SMAD9: variants seen among roughly 807,000 people sequenced by gnomAD.
SMAD9 encodes the protein SMAD family member 9.
Under a neutral mutation model 46.1 loss-of-function variants are expected in SMAD9, and 36 were observed. The ratio of observed to expected loss-of-function variants is 0.78; its 90% CI spans 0.60 to 1.03. SMAD9 has a LOEUF of 1.03. Among genes scored for constraint, SMAD9 ranks in the 50% least tolerant of loss-of-function variants. SMAD9 has a pLI of 0.00. For synonymous variants in SMAD9, 245 were observed against 237.1 expected (o/e 1.03, Z -0.31); for missense variants, 572 against 599.8 (o/e 0.95, Z 0.48).
chr13:36,880,884 TTTTAA>T (rs745404185), intron 1 of SMAD9, among the ~76,000 whole-genome samples: 12 of 152,214 alleles, frequency 7.9e-5, no homozygotes, highest in African/African-American at 1.4e-4. Context: ...ATCAATATTT[TTTTAA>T]TTTCTTAGTT....
Position 36,866,707 on chromosome 13 carries a change from C to G in SMAD9, c.781+566G>C, listed in dbSNP as rs2058238095. 2.0e-5 allele frequency among the ~76,000 whole-genome samples: 3 copies of G among 152,302 alleles called. No homozygotes were observed. In the Middle Eastern group the frequency reaches 0.01, roughly 518 times the overall value. ...GAACCTCTCTACTCAAGATCTGGCT[C>G]ATGGAACAGTAGCCTCCGCATTACA... On this transcript the variant is annotated intron_variant, in intron 4 of 6. Coordinates refer to ENST00000379826, the MANE Select transcript of SMAD9 (RefSeq NM_001127217.3).
chr13:36,865,217 T>G (rs1056724800), intron 5 of SMAD9, among the ~76,000 whole-genome samples: 2 of 152,244 alleles, frequency 1.3e-5, no homozygotes, highest in Non-Finnish European at 2.9e-5. Context: ...TTTAGGGAAA[T>G]GAAAAATAAT....
chr13:36,863,074 G>A (rs1231537663), intron 5 of SMAD9, among the ~76,000 whole-genome samples: 2 of 152,168 alleles, frequency 1.3e-5, no homozygotes, highest in Non-Finnish European at 1.5e-5. Context: ...TAACTCCACA[G>A]AGCAAGTTAA....
chr13:36,853,687 A>G lies in SMAD9; in HGVS notation c.1004-12T>C, dbSNP rs2058095619. ...GTACAAGTGCACACCTGCAGACACA[A>G]AAACACAGCCTTCCTTCACATGCCC... On this transcript the variant is annotated splice_polypyrimidine_tract_variant and intron_variant, in intron 5 of 6. Coordinates refer to ENST00000379826, the MANE Select transcript of SMAD9 (RefSeq NM_001127217.3). The G allele has an allele frequency of 6.2e-7, 1 of 1,613,804 alleles. No individual in the cohort carries two copies. Among genetic ancestry groups the G allele is most frequent in the East Asian group, 2.2e-5 (1 of 44,882 alleles).
At chr13:36,900,830 T>C (rs1288983629) in intron 1 of SMAD9, among the ~76,000 whole-genome samples, 2 of 152,192 alleles carry the variant, frequency 1.3e-5, no homozygotes, top group Non-Finnish European at 2.9e-5. Context: ...GCATTTAATA[T>C]GTTCACAATC....
At chr13:36,887,395 G>T (rs542092198) in intron 1 of SMAD9, among the ~76,000 whole-genome samples, 1 of 151,424 alleles carries the variant, frequency 6.6e-6, no homozygotes, top group African/African-American at 2.4e-5. Flanking sequence ...GATAATTTTT[G>T]TATTTTTAGT....
chr13:36,862,137 A>G (rs2058188495), intron 5 of SMAD9, among the ~76,000 whole-genome samples: 1 of 152,260 alleles, frequency 6.6e-6, no homozygotes, highest in Admixed American at 6.5e-5. Flanking sequence ...AGGCTCCACG[A>G]ACACTGACTT....
chr13:36,917,398 C>CA (rs1303045132), intron 1 of SMAD9, among the ~76,000 whole-genome samples: 5 of 106,490 alleles, frequency 4.7e-5, no homozygotes, highest in Non-Finnish European at 1.0e-4. Flanking sequence ...TTACTGTTTG[C>CA]ATTTTTTTTT....
At chr13:36,876,954 A>G (rs984305297) in intron 2 of SMAD9, among the ~76,000 whole-genome samples, 1 of 152,224 alleles carries the variant, frequency 6.6e-6, no homozygotes, top group Non-Finnish European at 1.5e-5. Flanking sequence ...TTAAATTAAT[A>G]TAATCGTTAC....
chr13:36,881,452 G>A (rs775884715), intron 1 of SMAD9, among the ~76,000 whole-genome samples: 8 of 152,148 alleles, frequency 5.3e-5, no homozygotes, highest in Non-Finnish European at 1.2e-4. Flanking sequence ...AACTTCTTTC[G>A]AACAAAGGTG....
chr13:36,853,848 T>C (rs2058097492), intron 5 of SMAD9, among the ~76,000 whole-genome samples, 173 bp from the exon 6 acceptor site: 1 of 152,168 alleles, frequency 6.6e-6, no homozygotes, highest in Non-Finnish European at 1.5e-5. Flanking sequence ...TCTGTGCTTT[T>C]TCCACAAATC....
chr13:36,905,774 C>CAAAAAAAAAAAAAAAAAAAAAAA (rs60358673), intron 1 of SMAD9, among the ~76,000 whole-genome samples: 2 of 66,450 alleles, frequency 3.0e-5, no homozygotes, highest in Non-Finnish European at 5.5e-5. Flanking sequence ...GACCCTGTCT[C>CAAAAAAAAAAAAAAAAAAAAAAA]AAAAAAAAAA....
chr13:36,874,854 CAAAAA>C (rs529721275), intron 2 of SMAD9, among the ~76,000 whole-genome samples: 3 of 66,080 alleles, frequency 4.5e-5, no homozygotes, highest in East Asian at 4.3e-4. Flanking sequence ...GACTCCGTCC[CAAAAA>C]AAAAAAAAAA....
intron 1 of SMAD9, among the ~76,000 whole-genome samples, chr13:36,918,336 G>A (rs986173749): frequency 3.3e-5 from 5 of 152,096 alleles, no homozygotes; most frequent in Admixed American, 6.6e-5. Context: ...GAGTATGTTG[G>A]CATTCTCTTA....
chr13:36,918,725 T>C (rs1397784880), intron 1 of SMAD9, among the ~76,000 whole-genome samples: 1 of 152,230 alleles, frequency 6.6e-6, no homozygotes, highest in Non-Finnish European at 1.5e-5. Context: ...TGTCTTTGGC[T>C]TTTATTTTAA....
intron 5 of SMAD9, among the ~76,000 whole-genome samples, chr13:36,864,550 C>T (rs1454018619): frequency 6.6e-6 from 1 of 152,296 alleles, no homozygotes; most frequent in East Asian, 1.9e-4. Flanking sequence ...TTTATCATTT[C>T]ACTGCAATGG....
At chr13:36,856,491 C>T (rs1238305593) in intron 5 of SMAD9, among the ~76,000 whole-genome samples, 1 of 152,146 alleles carries the variant, frequency 6.6e-6, no homozygotes, top group Non-Finnish European at 1.5e-5. Flanking sequence ...AAGAGCAGAG[C>T]CAATGGGACC....
At position 36,872,809 on chromosome 13, in the gene SMAD9, G is replaced by A; in HGVS notation, c.519C>T (p.His173=). 6.2e-7 allele frequency: 1 copy of A among 1,614,112 alleles called. No individual in the cohort carries two copies. ...GGAAAGAGTCAGGATAGGTGGCGTT[G>A]TGTGGCATGAGTGGCTCACTGTGCA... ...ASLHSEPLMP[H]NATYPDSFQQ... is the part of the protein sequence containing the mutation. The change falls in exon 3 of 7, where the codon CAC becomes CAT. Residue 173 remains histidine (H), a synonymous_variant. Coordinates refer to ENST00000379826, the MANE Select transcript of SMAD9 (RefSeq NM_001127217.3).
At chr13:36,853,816 A>C in intron 5 of SMAD9, 141 bp from the exon 6 acceptor site, 1 of 838,360 alleles carries the variant, frequency 1.2e-6, no homozygotes, top group Non-Finnish European at 2.0e-6. Flanking sequence ...TGTGACCTAA[A>C]TGCCGCTTAG....
Sources: gnomAD v4.1 joint callset for allele counts (sites outside exome capture counted in the v4.1 genomes callset) on GRCh38, gnomAD v4.1.1 for gene constraint, MANE v1.5 for transcripts, NCBI Gene and HGNC (gene_info 2026-07-23, HGNC 2026-07-21) for gene names.